Variants in XPNPEP2 observed in about 807,000 individuals in gnomAD.
XPNPEP2 encodes xaa-Pro aminopeptidase 2.
XPNPEP2 carries 64 observed loss-of-function variants against 59.8 expected under a neutral mutation model. The ratio of observed to expected loss-of-function variants is 1.07; its 90% confidence interval spans 0.87 to 1.32. The LOEUF (loss-of-function observed/expected upper bound fraction) is 1.32. Ranked by LOEUF, XPNPEP2 falls within the 40% of genes most tolerant of loss-of-function variation. The pLI is 0.00. For synonymous variants in XPNPEP2, 235 were observed against 210.0 expected (o/e 1.12, Z -1.03); for missense variants, 575 against 546.8 (o/e 1.05, Z -0.51).
intron 15 of XPNPEP2, among the ~76,000 whole-genome samples, chrX:129,759,641 G>A (rs1359088553): frequency 1.8e-5 from 2 of 112,965 alleles, no homozygotes; most frequent in African/African-American, 3.2e-5. Flanking sequence ...CTGGGGCAGA[G>A]GCGAGGGCAT....
chrX:129,759,074 C>T, intron 14 of XPNPEP2, 106 bp from the exon 15 acceptor site: 2 of 940,895 alleles, frequency 2.1e-6, no homozygotes, highest in African/African-American at 1.9e-5. Context: ...CTTTCGCCGT[C>T]CACCCATCCC....
intron 20 of XPNPEP2, 42 bp from the exon 21 acceptor site, chrX:129,768,249 A>C (rs1159955062): frequency 9.0e-7 from 1 of 1,116,662 alleles, no homozygotes; most frequent in Non-Finnish European, 1.2e-6. Flanking sequence ...ACCTCTTGGC[A>C]GCTTGGCTTA....
chrX:129,747,520 G>A (rs762465023), intron 6 of XPNPEP2, 87 bp from the exon 7 acceptor site: 4 of 1,153,213 alleles, frequency 3.5e-6, no homozygotes, highest in Admixed American at 2.3e-5. Context: ...GGAGGCAAAG[G>A]GAACCAGGAC....
chrX:129,761,307 C>T, intron 17 of XPNPEP2, 31 bp downstream of exon 17: 4 of 1,121,542 alleles, frequency 3.6e-6, no homozygotes, highest in Non-Finnish European at 4.9e-6. Context: ...CCCCAGGCCA[C>T]CCCCCTTTTA....
At chrX:129,767,713 C>T in intron 20 of XPNPEP2, 21 bp downstream of exon 20, 14 of 1,202,773 alleles carry the variant, frequency 1.2e-5, no homozygotes, top group Non-Finnish European at 1.6e-5. Flanking sequence ...CTCAGCATTG[C>T]CTTCTCCCTG....
At chrX:129,747,989 T>C (rs972943435) in intron 7 of XPNPEP2, 3 of 444,520 alleles carry the variant, frequency 6.7e-6, no homozygotes, top group Non-Finnish European at 1.2e-5. Context: ...GGTTAAAGAA[T>C]GTTAGGATTT....
In XPNPEP2 at chrX:129,746,284, G is replaced by T. The variant is rs769016610; in HGVS notation, c.347G>T (p.Arg116Leu). Reference sequence around the variant, plus strand: ...AAAGCAGCTGTCTGGACCGACAGTCGCTACTGGACTCAGGCTGAGCGGCAG... The same window carrying T: ...AAAGCAGCTGTCTGGACCGACAGTCTCTACTGGACTCAGGCTGAGCGGCAG... Reference protein sequence around the residue: ...MKKAAVWTDSRYWTQAERQMD... With the variant: ...MKKAAVWTDSLYWTQAERQMD... Residue 116 changes from arginine (R) to leucine (L), a missense_variant, in exon 5 of 21, where the codon CGC (arginine) becomes CTC (leucine). Transcript: ENST00000371106. 1 of 1,211,294 alleles carries T rather than the reference G, an allele frequency of 8.3e-7. No individual in the cohort carries two copies. The highest frequency in any genetic ancestry group is 1.8e-5 in the South Asian group (1 of 56,953).
At chrX:129,758,557 G>A (rs1451349725) in intron 14 of XPNPEP2, among the ~76,000 whole-genome samples, 1 of 111,397 alleles carries the variant, frequency 9.0e-6, no homozygotes, top group Non-Finnish European at 1.9e-5. Context: ...AACTCAGCAA[G>A]TCACTGGGTC....
chrX:129,765,949 A>G (rs1373398196), intron 19 of XPNPEP2, among the ~76,000 whole-genome samples: 1 of 111,779 alleles, frequency 8.9e-6, no homozygotes, highest in Non-Finnish European at 1.9e-5. Context: ...GAATTTCTTT[A>G]AGGATGAACT....
At chrX:129,753,402 G>T (rs1190020302) in intron 11 of XPNPEP2, among the ~76,000 whole-genome samples, 154 bp downstream of exon 11, 1 of 111,963 alleles carries the variant, frequency 8.9e-6, no homozygotes, top group Non-Finnish European at 1.9e-5. Flanking sequence ...TAGCACTTTG[G>T]GAGGCCAAGG....
At chrX:129,761,076 TTCTTAGGCAC>T in intron 16 of XPNPEP2, 86 bp from the exon 17 acceptor site, 1 of 890,222 alleles carries the variant, frequency 1.1e-6, no homozygotes, top group Non-Finnish European at 1.6e-6. Flanking sequence ...GGGGCCCCTC[TTCTTAGGCAC>T]CACTCTGATA....
At chrX:129,740,318 T>G (rs1926148497) in intron 1 of XPNPEP2, among the ~76,000 whole-genome samples, 1 of 112,396 alleles carries the variant, frequency 8.9e-6, no homozygotes, top group African/African-American at 3.2e-5. Flanking sequence ...CCTCCTTGCA[T>G]CTGTAGCTCA....
At chrX:129,765,173 T>A (rs1223682857) in intron 19 of XPNPEP2, among the ~76,000 whole-genome samples, 2 of 111,726 alleles carry the variant, frequency 1.8e-5, no homozygotes, top group East Asian at 5.6e-4. Context: ...ATAGTAAACC[T>A]AGGAGAGTGG....
chrX:129,751,953 C>T lies in XPNPEP2; in HGVS notation c.821+127C>T, dbSNP rs1926427886. 27 of 825,104 alleles carry T rather than the reference C, an allele frequency of 3.3e-5. 1 individual carries two copies. In the South Asian group the frequency reaches 3.9e-4, roughly 12 times the overall value. 68.0% of individuals were successfully genotyped at this position (825,104 alleles called of 1,213,427 possible). On this transcript the variant is annotated intron_variant, in intron 9 of 20. Transcript: ENST00000371106. ...CATCAGCTCGGCGCCTGCTGCAGCA[C>T]GACCCTTTAGAAAACCCCCTGTTGT...
chrX:129,751,924 T>A (rs1414341836), intron 9 of XPNPEP2, 98 bp downstream of exon 9: 1 of 945,257 alleles, frequency 1.1e-6, no homozygotes. Flanking sequence ...GCCCTCTGGC[T>A]GCCCATCAGC....
chrX:129,760,336 C>T (rs1407762414), intron 15 of XPNPEP2, among the ~76,000 whole-genome samples, 176 bp from the exon 16 acceptor site: 1 of 112,694 alleles, frequency 8.9e-6, no homozygotes, highest in Non-Finnish European at 1.9e-5. Context: ...CCCTCCTCAG[C>T]CTCTGCTGGC....
intron 15 of XPNPEP2, among the ~76,000 whole-genome samples, chrX:129,759,449 G>A (rs1394239945): frequency 8.9e-6 from 1 of 112,924 alleles, no homozygotes; most frequent in Admixed American, 9.3e-5. Flanking sequence ...AGCCCAAGCT[G>A]AGCCTCATCC....
intron 4 of XPNPEP2, 72 bp from the exon 5 acceptor site, chrX:129,746,164 T>C (rs41301505): frequency 2.2e-6 from 2 of 909,371 alleles, no homozygotes; most frequent in Non-Finnish European, 3.2e-6. Flanking sequence ...CAGCACTGCA[T>C]TGCACATCCA....
In XPNPEP2 at chrX:129,747,611, C is replaced by G; in HGVS notation, c.495C>G (p.Thr165=). ...GACTCCTTCTTGTCTCTGCAGACAC[C>G]TGGGAGAGTTATGATCTGGCCCTCC... ...GFDPFLLSID[T]WESYDLALQG... is the part of the protein sequence containing the mutation. The change falls in exon 7 of 21, where the codon ACC becomes ACG. Residue 165 remains threonine (T), a synonymous_variant. Transcript: ENST00000371106. 1 of 1,211,334 alleles carries G rather than the reference C, an allele frequency of 8.3e-7. No homozygotes were observed. Among genetic ancestry groups the G allele is most frequent in the Admixed American group, 2.2e-5 (1 of 46,068 alleles).
Sources: gnomAD v4.1 joint callset for allele counts (sites outside exome capture counted in the v4.1 genomes callset) on GRCh38, gnomAD v4.1.1 for gene constraint, MANE v1.5 for transcripts, NCBI Gene and HGNC (gene_info 2026-07-23, HGNC 2026-07-21) for gene names.